The following NUP210L variants were observed in gnomAD, a reference collection of about 807,000 sequenced individuals.
NUP210L encodes nucleoporin 210 like, also known as nuclear pore membrane glycoprotein 210-like.
A neutral mutation model predicts 208.5 loss-of-function variants in NUP210L; 74 were observed. The ratio of observed to expected loss-of-function variants is 0.35; its 90% CI spans 0.29 to 0.43. NUP210L has a LOEUF of 0.43. Among genes scored for constraint, NUP210L ranks in the 20% least tolerant of loss-of-function variants. The probability of loss-of-function intolerance (pLI) is 1.00; values close to 1 mark genes in which losing one functional copy is unlikely to be tolerated. For synonymous variants in NUP210L, 780 were observed against 816.9 expected (o/e 0.95, Z 0.77); for missense variants, 1,843 against 2,289.4 (o/e 0.81, Z 3.98).
At chr1:154,118,701 A>G (rs777436760) in exon 11 of NUP210L, 3 of 1,605,880 alleles carry the variant, frequency 1.9e-6, no homozygotes, top group East Asian at 2.2e-5. Flanking sequence ...ACATTCCCAT[A>G]GGATGATGAG....
chr1:154,081,628 G>C (rs1413965111), intron 16 of NUP210L, among the ~76,000 whole-genome samples: 1 of 152,072 alleles, frequency 6.6e-6, no homozygotes, highest in African/African-American at 2.4e-5. Context: ...TTAATCACGT[G>C]GCCAATTATT....
chr1:154,087,780 G>A (rs1298795919), intron 16 of NUP210L, among the ~76,000 whole-genome samples: 5 of 152,086 alleles, frequency 3.3e-5, no homozygotes, highest in African/African-American at 4.8e-5. Flanking sequence ...ACTGATACAG[G>A]CTACCATATC....
At chr1:154,108,188 T>C (rs1422895004) in intron 12 of NUP210L, among the ~76,000 whole-genome samples, 1 of 152,022 alleles carries the variant, frequency 6.6e-6, no homozygotes, top group Non-Finnish European at 1.5e-5. Flanking sequence ...GATGGAGTCT[T>C]GCTCTGTCAC....
At chr1:154,017,302 G>C (rs971909388) in intron 33 of NUP210L, among the ~76,000 whole-genome samples, 1 of 151,462 alleles carries the variant, frequency 6.6e-6, no homozygotes, top group African/African-American at 2.4e-5. Flanking sequence ...AAAAAAGGGG[G>C]GGGCTCAGGT....
At chr1:153,995,814 T>G in intron 37 of NUP210L, 1 of 634,302 alleles carries the variant, frequency 1.6e-6, no homozygotes, top group Middle Eastern at 4.1e-4. Flanking sequence ...CCGTAAAACC[T>G]GAAGTTCTTA....
Position 154,038,445 on chromosome 1 carries a change from C to T in NUP210L, c.3696+7624G>A, listed in dbSNP as rs552763380. Among the ~76,000 whole-genome samples the T allele has an allele frequency of 4.0e-5, 6 of 151,536 alleles. No individual in the cohort carries two copies. In the South Asian group the frequency reaches 6.3e-4, roughly 16 times the overall value. On this transcript the variant is annotated intron_variant, in intron 27 of 39. Coordinates refer to ENST00000368559, the Ensembl canonical transcript of NUP210L. ...GCAACCTCTGCCTCCCAGGTTCAAG[C>T]GATTCTCCTGCCTCAGCCTCCTAAG... is the stretch of plus-strand genomic sequence containing the variant.
chr1:154,152,401 C>T (rs1314373027), intron 2 of NUP210L, among the ~76,000 whole-genome samples: 1 of 151,782 alleles, frequency 6.6e-6, no homozygotes, highest in African/African-American at 2.4e-5. Flanking sequence ...CTCAAATTCC[C>T]CACCTCAGGT....
chr1:154,080,518 C>A (rs1655265181), intron 16 of NUP210L, among the ~76,000 whole-genome samples: 2 of 151,564 alleles, frequency 1.3e-5, no homozygotes, highest in East Asian at 1.9e-4. Context: ...CCTGTCTCTA[C>A]CAAACATACC....
At chr1:154,090,479 C>G (rs180906000) in intron 15 of NUP210L, among the ~76,000 whole-genome samples, 32 of 152,226 alleles carry the variant, frequency 2.1e-4, no homozygotes, top group Non-Finnish European at 2.9e-5. Flanking sequence ...AGCCTTACCA[C>G]AGTTAACATC....
chr1:154,140,702 G>A (rs1658811428), intron 4 of NUP210L, among the ~76,000 whole-genome samples: 1 of 147,458 alleles, frequency 6.8e-6, no homozygotes. Flanking sequence ...AAAAAGAAAA[G>A]GCCAGACACG....
intron 22 of NUP210L, among the ~76,000 whole-genome samples, chr1:154,057,605 A>C (rs550120219): frequency 6.6e-6 from 1 of 152,164 alleles, no homozygotes; most frequent in Admixed American, 6.6e-5. Context: ...CCCCCAAAAG[A>C]TATCATCCAA....
intron 25 of NUP210L, among the ~76,000 whole-genome samples, chr1:154,051,559 C>T (rs567449376): frequency 1.9e-4 from 29 of 152,092 alleles, no homozygotes; most frequent in African/African-American, 5.8e-4. Flanking sequence ...GGTCACAAAG[C>T]GCAGATACAG....
At chr1:154,004,321 A>C (rs929549006) in intron 35 of NUP210L, among the ~76,000 whole-genome samples, 1 of 151,774 alleles carries the variant, frequency 6.6e-6, no homozygotes, top group African/African-American at 2.4e-5. Context: ...CACCTGCCTC[A>C]GCCTCTCAAA....
chr1:154,066,537 G>A (rs1242309125), intron 17 of NUP210L, among the ~76,000 whole-genome samples: 3 of 152,212 alleles, frequency 2.0e-5, no homozygotes, highest in African/African-American at 7.2e-5. Flanking sequence ...TATGAACCCG[G>A]GAGGCGAAGC....
At chr1:154,091,112 T>TA (rs200954305) in intron 15 of NUP210L, among the ~76,000 whole-genome samples, 7 of 144,084 alleles carry the variant, frequency 4.9e-5, no homozygotes, top group Non-Finnish European at 7.6e-5. Context: ...TTATTATTAT[T>TA]TGAGAAAAAG....
chr1:154,054,450 G>T (rs752052330), intron 24 of NUP210L, 43 bp from the exon 25 acceptor site: 55 of 1,570,794 alleles, frequency 3.5e-5, no homozygotes, highest in Non-Finnish European at 4.6e-5. Context: ...ACATGAGGGA[G>T]AAATCATGTC....
intron 37 of NUP210L, among the ~76,000 whole-genome samples, chr1:153,996,675 C>T (rs1335931862): frequency 1.3e-5 from 2 of 152,068 alleles, no homozygotes; most frequent in African/African-American, 4.8e-5. Context: ...CCCGCCTTGG[C>T]CTCCCAAAGT....
At chr1:154,046,227 A>G in intron 26 of NUP210L, 27 bp from the exon 27 acceptor site, 1 of 1,614,110 alleles carries the variant, frequency 6.2e-7, no homozygotes, top group Non-Finnish European at 8.5e-7. Context: ...GCATTGTGCT[A>G]TATATTCTGC....
At chr1:154,099,662 C>T (rs182065599) in intron 14 of NUP210L, among the ~76,000 whole-genome samples, 3 of 152,262 alleles carry the variant, frequency 2.0e-5, no homozygotes, top group Admixed American at 1.3e-4. Flanking sequence ...GAGATATATG[C>T]ACATGTAAAA....
Sources: allele counts gnomAD v4.1 joint callset (sites outside exome capture counted in the v4.1 genomes callset), GRCh38; gene constraint gnomAD v4.1.1; transcripts MANE v1.5; gene names NCBI Gene and HGNC (gene_info 2026-07-23, HGNC 2026-07-21).